Variants in ACSBG2 observed in about 807,000 individuals in gnomAD.
ACSBG2 encodes long-chain-fatty-acid--CoA ligase ACSBG2.
A neutral mutation model predicts 74.7 loss-of-function variants in ACSBG2; 62 were observed. The observed-to-expected ratio is 0.83, with a 90% confidence interval of 0.68 to 1.03. The LOEUF (loss-of-function observed/expected upper bound fraction) is 1.03. Ranked by LOEUF, ACSBG2 falls within the 50% of genes least tolerant of loss-of-function variation. The pLI is 0.00. For missense variants in ACSBG2, 730 were observed against 817.6 expected, an observed-to-expected ratio of 0.89 and a Z score of 1.31; for synonymous variants, 309 against 294.1, an observed-to-expected ratio of 1.05 and a Z score of -0.52.
In ACSBG2 at chr19:6,186,058, C is replaced by CTT. The variant is rs11377799; in HGVS notation, c.1540+418_1540+419dup. 9.9e-4 allele frequency among the ~76,000 whole-genome samples: 146 copies of CTT among 147,174 alleles called. 1 individual carries two copies. Among genetic ancestry groups the CTT allele is most frequent in the Middle Eastern group, 3.5e-3 (1 of 288 alleles). On this transcript the variant is annotated intron_variant, in intron 11 of 14. Transcript: ENST00000588485. The stretch of plus-strand genomic sequence containing the variant: ...CAGTTATATTGAGCCAACAGTTTTA[C>CTT]TTTTTTTTTTTTTTAACTCAAACTC...
rs779978746 is a variant in ACSBG2 at position 6,183,316 on chromosome 19, G to T, written c.1322+44G>T. The T allele has an allele frequency of 5.1e-6, 8 of 1,557,626 alleles. No individual in the cohort carries two copies. The African/African-American group carries it at 1.1e-4, about 21-fold the overall frequency. On this transcript the variant is annotated intron_variant, in intron 10 of 14. Coordinates refer to ENST00000588485, the MANE Select transcript of ACSBG2 (RefSeq NM_030924.5). ...GACCCCTGCTCCTCCCATAACATGG[G>T]GTCAAGAGGGGGAAGGTGGGTGGAT...
At chr19:6,191,398 A>G (rs1306769618) in intron 14 of ACSBG2, 1 of 152,224 alleles carries the variant, frequency 6.6e-6, no homozygotes, top group Non-Finnish European at 1.5e-5. Flanking sequence ...ATTACAAAGT[A>G]CCACAGACTG....
At position 6,153,554 on chromosome 19, in the gene ACSBG2, G is replaced by A. The variant is rs547648253; in HGVS notation, c.386+1759G>A. 1.7e-3 allele frequency among the ~76,000 whole-genome samples: 253 copies of A among 152,246 alleles called. 2 individuals carry two copies. The highest frequency in any genetic ancestry group is 5.2e-3 in the African/African-American group (214 of 41,544). On this transcript the variant is annotated intron_variant, in intron 4 of 14. Coordinates refer to ENST00000588485, the MANE Select transcript of ACSBG2 (RefSeq NM_030924.5). ...AGCCACGGCCATGACAAAATTGAGC[G>A]GCTGGGCACAGTGACTCATGCCTGT...
intron 5 of ACSBG2, 118 bp downstream of exon 5, chr19:6,156,669 CA>C (rs1335982850): frequency 8.9e-7 from 1 of 1,126,122 alleles, no homozygotes; most frequent in African/African-American, 1.6e-5. Flanking sequence ...TGCATCTGTT[CA>C]GCGAGTCCTC....
In ACSBG2 at chr19:6,147,389, C is replaced by G; in HGVS notation, c.68-57C>G. The G allele has an allele frequency of 6.1e-6, 9 of 1,483,930 alleles. No homozygotes were observed. The South Asian group carries it at 1.0e-4, about 17-fold the overall frequency. The allele number at this position is 1,483,930 out of a possible 1,614,324, so 91.9% of individuals were successfully genotyped here. ...CAAAAAGACACCAACCGCCCCCCGT[C>G]CAAAGTTATTAAATAAATAAAAACA... On this transcript the variant is annotated intron_variant, in intron 2 of 14. Coordinates refer to ENST00000588485, the MANE Select transcript of ACSBG2 (RefSeq NM_030924.5).
At chr19:6,182,610 G>A in intron 8 of ACSBG2, 141 bp from the exon 9 acceptor site, 1 of 765,920 alleles carries the variant, frequency 1.3e-6, no homozygotes, top group Non-Finnish European at 2.1e-6. Flanking sequence ...CTAATGGGTT[G>A]TCTCCTTTTG....
In ACSBG2 at chr19:6,187,392, G is replaced by A. The variant is rs751224846; in HGVS notation, c.1650G>A (p.Leu550=). The change falls in exon 12 of 15, where the codon CTG becomes CTA. Residue 550 remains leucine, a synonymous_variant. Coordinates refer to ENST00000588485, the MANE Select transcript of ACSBG2 (RefSeq NM_030924.5). ...ISNAMLVGDK[L]KFLSMLLTLK... ...ACGCCATGTTAGTAGGAGATAAACTGAAGTTTCTGAGCATGTTGCTGACGC... is the reference window on the plus strand; with the variant it reads ...ACGCCATGTTAGTAGGAGATAAACTAAAGTTTCTGAGCATGTTGCTGACGC... The A allele has an allele frequency of 2.5e-6, 4 of 1,614,056 alleles. No homozygotes were observed. The highest frequency in any genetic ancestry group is 3.3e-5 in the Admixed American group (2 of 59,994).
chr19:6,159,531 T>TC (rs2089537967), intron 5 of ACSBG2, among the ~76,000 whole-genome samples: 1 of 152,224 alleles, frequency 6.6e-6, no homozygotes, highest in Admixed American at 6.5e-5. Flanking sequence ...TATTTCTGAC[T>TC]CCTAGTTTCA....
At chr19:6,145,137 G>A (rs1330414576) in intron 2 of ACSBG2, among the ~76,000 whole-genome samples, 2 of 152,058 alleles carry the variant, frequency 1.3e-5, no homozygotes, top group Non-Finnish European at 2.9e-5. Flanking sequence ...GGTGGCTCAT[G>A]CCTGTAATCC....
In ACSBG2 at chr19:6,192,715, T is replaced by C. The variant is rs951937838; in HGVS notation, c.*83T>C. 27 of 152,326 alleles carry C rather than the reference T, an allele frequency of 1.8e-4. No homozygotes were observed. The highest frequency in any genetic ancestry group is 6.3e-4 in the African/African-American group (26 of 41,566). 9.4% of individuals were successfully genotyped at this position (152,326 alleles called of 1,614,324 possible). The stretch of plus-strand genomic sequence containing the variant: ...GCAATAAGTGAAATGCTGCTCTAGG[T>C]AGAAGCTCTCCCTGCTGTTTTTAAG... On this transcript the variant is annotated 3_prime_UTR_variant, in exon 15 of 15. Coordinates refer to ENST00000588485, the MANE Select transcript of ACSBG2 (RefSeq NM_030924.5).
At chr19:6,166,280 T>G (rs1046319551) in intron 7 of ACSBG2, among the ~76,000 whole-genome samples, 1 of 119,146 alleles carries the variant, frequency 8.4e-6, no homozygotes, top group African/African-American at 3.8e-5. Context: ...GTCAGGAAGG[T>G]TGTGTGTGTG....
rs1600102451 is a variant in ACSBG2 at position 6,174,201 on chromosome 19, T to C, written c.739-3028T>C. Among the ~76,000 whole-genome samples, 2 of 152,086 alleles carry C rather than the reference T, an allele frequency of 1.3e-5. No individual in the cohort carries two copies. The highest frequency in any genetic ancestry group is 2.1e-4 in the South Asian group (1 of 4,816). On this transcript the variant is annotated intron_variant, in intron 7 of 14. Transcript: ENST00000588485. This position sits in a 1 kb window ranked among gnomAD's most constrained non-coding sequence, Gnocchi z 4.2. ...ATCCACCCGCCTTGGCCTCCCAAAG[T>C]GCTGGGACTACAAACATGAGCCACC...
At position 6,161,279 on chromosome 19, in the gene ACSBG2, A is replaced by G. The variant is rs1349590953; in HGVS notation, c.572A>G (p.Asn191Ser). ...CAGTACAGACTGCCAATGAAGAAGA[A>G]CAACAACTTGTACTCTGTAAGTGTG... Reference protein sequence around the residue: ...IIQYRLPMKKNNNLYSWDDFM... With the variant: ...IIQYRLPMKKSNNLYSWDDFM... Residue 191 changes from asparagine (N) to serine (S), a missense_variant, in exon 6 of 15, where the codon AAC becomes AGC. Coordinates refer to ENST00000588485, the MANE Select transcript of ACSBG2 (RefSeq NM_030924.5). 1.2e-6 allele frequency: 2 copies of G among 1,610,976 alleles called. No homozygotes were observed. Among genetic ancestry groups the G allele is most frequent in the Non-Finnish European group, 1.7e-6 (2 of 1,177,962 alleles).
chr19:6,168,657 G>T lies in ACSBG2; in HGVS notation c.738+2642G>T, dbSNP rs150288463. Among the ~76,000 whole-genome samples the T allele has an allele frequency of 5.2e-3, 786 of 152,238 alleles. 7 individuals are homozygous for T. Among genetic ancestry groups the T allele is most frequent in the East Asian group, 0.011 (58 of 5,178 alleles). ...TTATGCTCCTAGTGGCTGCATGTGT[G>T]GTAAGACATTCTCCTAGCACAGGCA... On this transcript the variant is annotated intron_variant, in intron 7 of 14. Coordinates refer to ENST00000588485, the MANE Select transcript of ACSBG2 (RefSeq NM_030924.5).
Position 6,183,050 on chromosome 19 carries a change from C to T in ACSBG2, c.1100C>T (p.Thr367Ile). The change falls in exon 10 of 15, where the codon ACT becomes ATT. Residue 367 changes from threonine (T) to isoleucine (I), a missense_variant. Coordinates refer to ENST00000588485, the MANE Select transcript of ACSBG2 (RefSeq NM_030924.5). ...ATTCTTATTCACAGGAAATATAATA[C>T]TCCCGTGAGCTACCGCATGGCTAAG... Reference protein sequence around the residue: ...NSKKMLGKYNTPVSYRMAKTL... With the variant: ...NSKKMLGKYNIPVSYRMAKTL... 6.2e-7 allele frequency: 1 copy of T among 1,614,076 alleles called. No homozygotes were observed. Among genetic ancestry groups the T allele is most frequent in the Non-Finnish European group, 8.5e-7 (1 of 1,179,940 alleles).
chr19:6,147,543 A>G lies in ACSBG2; in HGVS notation c.165A>G (p.Glu55=). 6.2e-7 allele frequency: 1 copy of G among 1,614,106 alleles called. No homozygotes were observed. The highest frequency in any genetic ancestry group is 8.5e-7 in the Non-Finnish European group (1 of 1,180,026). The stretch of plus-strand genomic sequence containing the variant: ...ATGAGACCCCGATGACCATCCCTGA[A>G]TTTTTTCGAGAGTCAGTCAACCGAT... ...PGHETPMTIP[E]FFRESVNRFG... Residue 55 remains glutamate (E), a synonymous_variant, in exon 3 of 15, where the codon GAA becomes GAG. Transcript: ENST00000588485.
At position 6,181,818 on chromosome 19, in the gene ACSBG2, C is replaced by CCT. The variant is rs913620074; in HGVS notation, c.907-932_907-931insTC. On this transcript the variant is annotated intron_variant, in intron 8 of 14. Coordinates refer to ENST00000588485, the MANE Select transcript of ACSBG2 (RefSeq NM_030924.5). ...CATTTGAATAGTCCCCACCCGCCCC[C>CCT]CCCCCCAACGAAATTTCCTTGGCAT... Among the ~76,000 whole-genome samples, 3 of 119,438 alleles carry CCT rather than the reference C, an allele frequency of 2.5e-5. No homozygotes were observed. The Admixed American group carries it at 2.7e-4, about 11-fold the overall frequency. The allele number at this position is 119,438 out of a possible 152,430, so 78.4% of individuals were successfully genotyped here. A position where few individuals can be genotyped will look rare whatever the true frequency, so the allele number is the denominator to read the frequency against.
chr19:6,178,438 G>A (rs1438074610), intron 8 of ACSBG2, among the ~76,000 whole-genome samples: 1 of 152,028 alleles, frequency 6.6e-6, no homozygotes, highest in African/African-American at 2.4e-5. Context: ...TGGAGTTACA[G>A]TGCCATGATC....
chr19:6,157,097 C>T (rs2089451338), intron 5 of ACSBG2, among the ~76,000 whole-genome samples: 1 of 152,190 alleles, frequency 6.6e-6, no homozygotes, highest in South Asian at 2.1e-4. Flanking sequence ...CAAGTGCCCA[C>T]CATCACGCCT....
Sources: allele counts gnomAD v4.1 joint callset (sites outside exome capture counted in the v4.1 genomes callset), GRCh38; gene constraint gnomAD v4.1.1; non-coding constraint Gnocchi (gnomAD v3.1); transcripts MANE v1.5; gene names NCBI Gene and HGNC (gene_info 2026-07-23, HGNC 2026-07-21).